CDKAL1: variants seen among roughly 807,000 people sequenced by gnomAD.
The protein encoded by CDKAL1 is threonylcarbamoyladenosine tRNA methylthiotransferase.
Under a neutral mutation model 68.2 loss-of-function variants are expected in CDKAL1, and 32 were observed. That is an observed-to-expected ratio of 0.47 (90% CI 0.35 to 0.63). The LOEUF (loss-of-function observed/expected upper bound fraction) is 0.63, where lower values mean the gene tolerates loss of function less well. Ranked by LOEUF, CDKAL1 falls within the 30% of genes least tolerant of loss-of-function variation. CDKAL1 has a pLI of 0.00. For synonymous variants in CDKAL1, 234 were observed against 244.3 expected, an observed-to-expected ratio of 0.96 and a Z score of 0.39; for missense variants, 606 against 696.7, an observed-to-expected ratio of 0.87 and a Z score of 1.47.
intron 8 of CDKAL1, among the ~76,000 whole-genome samples, chr6:20,817,072 A>G (rs1004076314): frequency 2.0e-5 from 3 of 152,146 alleles, no homozygotes; most frequent in Non-Finnish European, 4.4e-5. Flanking sequence ...CTGTAATGCT[A>G]TGAAAGGTAG....
chr6:20,910,087 A>G (rs1487416193), intron 9 of CDKAL1, among the ~76,000 whole-genome samples: 2 of 152,104 alleles, frequency 1.3e-5, no homozygotes, highest in African/African-American at 4.8e-5. Context: ...TCTTCCTTTT[A>G]CTTCTTATAC....
chr6:20,776,880 A>G (rs1775195486), intron 7 of CDKAL1, among the ~76,000 whole-genome samples: 1 of 152,208 alleles, frequency 6.6e-6, no homozygotes, highest in Admixed American at 6.5e-5. Flanking sequence ...TAAGGTTGCA[A>G]CTAGGGCAAA....
chr6:21,231,631 G>A lies in CDKAL1; in HGVS notation c.*592G>A, dbSNP rs1779981160. Reference sequence around the variant, plus strand: ...TTCAGTAGAGACGGAGTTTCACCATGTTGGCCAGGCTAGTCTCGAACTCCT... The same window carrying A: ...TTCAGTAGAGACGGAGTTTCACCATATTGGCCAGGCTAGTCTCGAACTCCT... On this transcript the variant is annotated 3_prime_UTR_variant, in exon 16 of 16. Transcript: ENST00000274695. 6.6e-6 allele frequency: 1 copy of A among 152,228 alleles called. No homozygotes were observed. Among genetic ancestry groups the A allele is most frequent in the African/African-American group, 2.4e-5 (1 of 41,412 alleles). 9.4% of individuals were successfully genotyped at this position (152,228 alleles called of 1,614,324 possible).
intron 4 of CDKAL1, among the ~76,000 whole-genome samples, chr6:20,640,050 C>T (rs1768097536): frequency 6.6e-6 from 1 of 152,192 alleles, no homozygotes; most frequent in Non-Finnish European, 1.5e-5. Flanking sequence ...ATACTCTATT[C>T]TCAGTTTTTA....
At chr6:20,897,957 G>T (rs1026906201) in intron 9 of CDKAL1, among the ~76,000 whole-genome samples, 2 of 151,928 alleles carry the variant, frequency 1.3e-5, no homozygotes, top group African/African-American at 4.8e-5. Flanking sequence ...TCAGTCAAAG[G>T]TCTGATGAAT....
intron 4 of CDKAL1, among the ~76,000 whole-genome samples, chr6:20,644,828 T>C (rs1439209805): frequency 6.6e-6 from 1 of 152,262 alleles, no homozygotes; most frequent in Non-Finnish European, 1.5e-5. Flanking sequence ...CTGCATCAAG[T>C]ATAGTACAGT....
At chr6:20,663,545 A>G (rs1050046524) in intron 5 of CDKAL1, among the ~76,000 whole-genome samples, 1 of 152,104 alleles carries the variant, frequency 6.6e-6, no homozygotes, top group Non-Finnish European at 1.5e-5. Flanking sequence ...GTGGTCTCTG[A>G]TGAAGGAATA....
chr6:20,946,202 A>G (rs76480741), intron 9 of CDKAL1, among the ~76,000 whole-genome samples: 2,789 of 152,298 alleles, frequency 0.018, 84 homozygotes, highest in African/African-American at 0.063. Flanking sequence ...CTCCCATTGT[A>G]CAATTCTTTC....
chr6:20,677,521 C>T (rs894513371), intron 5 of CDKAL1, among the ~76,000 whole-genome samples: 11 of 151,990 alleles, frequency 7.2e-5, no homozygotes, highest in African/African-American at 2.7e-4. Flanking sequence ...CAGGTTCAAG[C>T]GATTCTCCTG....
chr6:20,903,855 T>C (rs1432066923), intron 9 of CDKAL1, among the ~76,000 whole-genome samples: 1 of 152,198 alleles, frequency 6.6e-6, no homozygotes, highest in African/African-American at 2.4e-5. Flanking sequence ...GGAATCTGTC[T>C]CCCCAACTAG....
intron 5 of CDKAL1, among the ~76,000 whole-genome samples, chr6:20,670,052 T>C (rs1197629226): frequency 1.3e-5 from 2 of 152,210 alleles, no homozygotes; most frequent in Admixed American, 1.3e-4. Context: ...CCTTTTCTTA[T>C]AAGTAACTCT....
At chr6:20,896,591 A>G (rs1312153447) in intron 9 of CDKAL1, among the ~76,000 whole-genome samples, 11 of 152,238 alleles carry the variant, frequency 7.2e-5, no homozygotes, top group Admixed American at 7.2e-4. Flanking sequence ...ATTTTAAATC[A>G]ATAATGAAAA....
chr6:21,037,361 A>C (rs1349418358), intron 11 of CDKAL1, among the ~76,000 whole-genome samples: 1 of 152,202 alleles, frequency 6.6e-6, no homozygotes, highest in African/African-American at 2.4e-5. Flanking sequence ...GTTATGTATT[A>C]AACACTGAAC....
At chr6:20,593,539 C>A (rs969553088) in intron 4 of CDKAL1, among the ~76,000 whole-genome samples, 2 of 149,538 alleles carry the variant, frequency 1.3e-5, no homozygotes, top group Non-Finnish European at 3.0e-5. Flanking sequence ...TTTTTTATTG[C>A]GTCTATTCGA....
chr6:20,933,421 T>G (rs1429914249), intron 9 of CDKAL1, among the ~76,000 whole-genome samples: 1 of 152,244 alleles, frequency 6.6e-6, no homozygotes, highest in African/African-American at 2.4e-5. Flanking sequence ...AGGGATGAGA[T>G]AGTTATTAAC....
chr6:20,613,738 C>A (rs1421929621), intron 4 of CDKAL1, among the ~76,000 whole-genome samples: 1 of 150,962 alleles, frequency 6.6e-6, no homozygotes, highest in Non-Finnish European at 1.5e-5. Flanking sequence ...TTGGCTTTTG[C>A]TAATAACAAA....
chr6:21,044,971 G>A (rs931567573), intron 11 of CDKAL1, among the ~76,000 whole-genome samples: 14 of 152,160 alleles, frequency 9.2e-5, no homozygotes, highest in African/African-American at 3.4e-4. Context: ...TTCTTCAAAT[G>A]GCAGAAGGGA....
chr6:20,820,291 G>A (rs1410951612), intron 8 of CDKAL1, among the ~76,000 whole-genome samples: 1 of 152,102 alleles, frequency 6.6e-6, no homozygotes, highest in Non-Finnish European at 1.5e-5. Flanking sequence ...TTCATGCCTG[G>A]AAGTCATTCT....
In CDKAL1 at chr6:20,675,337, G is replaced by C. The variant is rs192964533; in HGVS notation, c.371+25960G>C. ...CATCTGGTCCTTTTGCTTTTTTGTGGGATGGTTCCTATATAAATTTCTGTA... is the reference window on the plus strand; with the variant it reads ...CATCTGGTCCTTTTGCTTTTTTGTGCGATGGTTCCTATATAAATTTCTGTA... On this transcript the variant is annotated intron_variant, in intron 5 of 15. Transcript: ENST00000274695. Among the ~76,000 whole-genome samples the C allele has an allele frequency of 4.4e-3, 671 of 152,052 alleles. 1 individual carries two copies. Among genetic ancestry groups the C allele is most frequent in the Non-Finnish European group, 6.9e-3 (469 of 67,972 alleles).
Sources: gnomAD v4.1 joint callset for allele counts (sites outside exome capture counted in the v4.1 genomes callset) on GRCh38, gnomAD v4.1.1 for gene constraint, MANE v1.5 for transcripts, NCBI Gene and HGNC (gene_info 2026-07-23, HGNC 2026-07-21) for gene names.